The following SUGCT variants were observed in gnomAD, a reference collection of about 807,000 sequenced individuals.
The protein encoded by SUGCT is succinyl-CoA:glutarate-CoA transferase.
Under a neutral mutation model 55.0 loss-of-function variants are expected in SUGCT, and 41 were observed. The ratio of observed to expected loss-of-function variants is 0.74; its 90% confidence interval spans 0.58 to 0.97. The LOEUF (loss-of-function observed/expected upper bound fraction) is 0.97, where lower values mean the gene tolerates loss of function less well. SUGCT is among the 50% of genes least tolerant of loss of function. The probability of loss-of-function intolerance (pLI) is 0.00; values close to 1 mark genes in which losing one functional copy is unlikely to be tolerated. For synonymous variants in SUGCT, 187 were observed against 200.4 expected, an observed-to-expected ratio of 0.93 and a Z score of 0.56; for missense variants, 568 against 547.8, an observed-to-expected ratio of 1.04 and a Z score of -0.37.
At chr7:40,787,660 CAAAAAAAAAAAAAAA>C (rs55764379) in intron 13 of SUGCT, among the ~76,000 whole-genome samples, 96 of 48,436 alleles carry the variant, frequency 2.0e-3, no homozygotes, top group South Asian at 9.8e-3. Flanking sequence ...AAATTTTGAC[CAAAAAAAAAAAAAAA>C]AAAAAAAAAG....
chr7:40,671,303 A>G (rs1801926182), intron 12 of SUGCT, among the ~76,000 whole-genome samples: 1 of 152,226 alleles, frequency 6.6e-6, no homozygotes, highest in Admixed American at 6.5e-5. Context: ...ACACTCATTC[A>G]TTATAAGACT....
intron 13 of SUGCT, among the ~76,000 whole-genome samples, chr7:40,762,124 C>T (rs949650217): frequency 3.3e-5 from 5 of 152,168 alleles, no homozygotes; most frequent in African/African-American, 7.2e-5. Context: ...GTAACACTGA[C>T]GTGCAGATCA....
intron 12 of SUGCT, among the ~76,000 whole-genome samples, chr7:40,562,622 A>G (rs913947069): frequency 7.9e-5 from 12 of 152,152 alleles, no homozygotes; most frequent in Admixed American, 7.8e-4. Flanking sequence ...CAAAGGTATT[A>G]ATTATAATGG....
chr7:40,406,711 T>A (rs1786389908), intron 9 of SUGCT, among the ~76,000 whole-genome samples: 1 of 152,232 alleles, frequency 6.6e-6, no homozygotes, highest in Non-Finnish European at 1.5e-5. Flanking sequence ...ATTCAAAAAG[T>A]TGTAATTTAA....
intron 10 of SUGCT, among the ~76,000 whole-genome samples, chr7:40,451,982 C>G (rs1463537974): frequency 6.6e-6 from 1 of 152,186 alleles, no homozygotes; most frequent in Non-Finnish European, 1.5e-5. Flanking sequence ...AAAGATGGGA[C>G]AACTTTAGTT....
At chr7:40,212,228 G>A (rs1013926360) in intron 6 of SUGCT, among the ~76,000 whole-genome samples, 8 of 151,044 alleles carry the variant, frequency 5.3e-5, no homozygotes, top group African/African-American at 1.7e-4. Flanking sequence ...CAATTCTAAA[G>A]AGCCTGGGCA....
chr7:40,431,166 C>G (rs1372397784), intron 9 of SUGCT, among the ~76,000 whole-genome samples: 1 of 150,640 alleles, frequency 6.6e-6, no homozygotes, highest in East Asian at 1.9e-4. Flanking sequence ...TACTGAATTT[C>G]CTGGCACCAT....
Position 40,730,272 on chromosome 7 carries a change from A to T in SUGCT, c.1090-19162A>T, listed in dbSNP as rs144902279. ...ACAGGCATGCACCACAGGCCCAGATAATTTTTGTATTTTTAGTAGAGATGG... is the reference window on the plus strand; with the variant it reads ...ACAGGCATGCACCACAGGCCCAGATTATTTTTGTATTTTTAGTAGAGATGG... On this transcript the variant is annotated intron_variant, in intron 12 of 13. Transcript: ENST00000335693. Among the ~76,000 whole-genome samples, 1,361 of 151,890 alleles carry T rather than the reference A, an allele frequency of 9.0e-3. 16 individuals are homozygous for T. Among genetic ancestry groups the T allele is most frequent in the African/African-American group, 0.031 (1,280 of 41,418 alleles).
chr7:41,009,630 C>G, the SUGCT span, among the ~76,000 whole-genome samples: 1 of 151,770 alleles, frequency 6.6e-6, no homozygotes. Context: ...CACCATCCAC[C>G]CTTCCTTCCA....
intron 9 of SUGCT, among the ~76,000 whole-genome samples, chr7:40,441,933 G>A (rs1421588747): frequency 6.6e-6 from 1 of 152,024 alleles, no homozygotes; most frequent in African/African-American, 2.4e-5. Context: ...TCTGGGTGGG[G>A]GGTCTCAGGA....
chr7:40,252,987 A>G (rs1406526341), intron 7 of SUGCT, among the ~76,000 whole-genome samples: 1 of 152,248 alleles, frequency 6.6e-6, no homozygotes, highest in Non-Finnish European at 1.5e-5. Flanking sequence ...CTGTGGAAAT[A>G]TAACTTTGGA....
At chr7:40,200,618 G>T (rs1786537569) in intron 6 of SUGCT, among the ~76,000 whole-genome samples, 1 of 152,108 alleles carries the variant, frequency 6.6e-6, no homozygotes, top group African/African-American at 2.4e-5. Flanking sequence ...AAAACTGAGA[G>T]CAGTATGCTT....
chr7:40,242,906 CATATATATATATAT>C lies in SUGCT; in HGVS notation c.576+5195_576+5208del, dbSNP rs1159693206. Among the ~76,000 whole-genome samples, 91 of 32,238 alleles carry C rather than the reference CATATATATATATAT, an allele frequency of 2.8e-3. 1 individual carries two copies. Among genetic ancestry groups the C allele is most frequent in the Non-Finnish European group, 4.0e-3 (78 of 19,352 alleles). The allele number at this position is 32,238 out of a possible 152,430, so 21.1% of individuals were successfully genotyped here. Reference sequence around the variant, plus strand: ...GAATATCTGGTACTGTGCTATGTGGCATATATATATATATATATATATATATATTTTTTTTTTTT... The same window carrying C: ...GAATATCTGGTACTGTGCTATGTGGCATATATATATATATTTTTTTTTTTT... On this transcript the variant is annotated intron_variant, in intron 7 of 13. Transcript: ENST00000335693.
chr7:40,336,283 CCTT>C (rs1429153681), intron 9 of SUGCT, among the ~76,000 whole-genome samples: 3 of 152,232 alleles, frequency 2.0e-5, no homozygotes, highest in Non-Finnish European at 4.4e-5. Context: ...AGGGAGGACT[CCTT>C]CTTTTTCTGT....
intron 12 of SUGCT, among the ~76,000 whole-genome samples, chr7:40,569,201 A>C (rs779275987): frequency 5.3e-5 from 8 of 152,158 alleles, no homozygotes; most frequent in Non-Finnish European, 1.0e-4. Context: ...GGGATTTTAG[A>C]TCTTAAGAAG....
intron 9 of SUGCT, among the ~76,000 whole-genome samples, chr7:40,361,291 T>G (rs1363443093): frequency 1.3e-5 from 2 of 151,874 alleles, no homozygotes; most frequent in Non-Finnish European, 2.9e-5. Context: ...GAGAGAAAAT[T>G]TGGTCAGGCG....
At chr7:40,278,961 G>A (rs959467029) in intron 8 of SUGCT, among the ~76,000 whole-genome samples, 2 of 151,274 alleles carry the variant, frequency 1.3e-5, no homozygotes, top group Non-Finnish European at 2.9e-5. Context: ...CTAGTGGTTC[G>A]GACTACAGGC....
the SUGCT span, among the ~76,000 whole-genome samples, chr7:41,010,910 A>G: frequency 6.6e-6 from 1 of 152,226 alleles, no homozygotes; most frequent in African/African-American, 2.4e-5. Flanking sequence ...GGTCTTGATG[A>G]CTGAGTCTCA....
chr7:40,586,393 C>T (rs1797382140), intron 12 of SUGCT, among the ~76,000 whole-genome samples: 1 of 152,056 alleles, frequency 6.6e-6, no homozygotes, highest in Admixed American at 6.6e-5. Flanking sequence ...ATGTATAAAG[C>T]CACATGTAAG....
Sources: allele counts gnomAD v4.1 joint callset (sites outside exome capture counted in the v4.1 genomes callset), GRCh38; gene constraint gnomAD v4.1.1; transcripts MANE v1.5; gene names NCBI Gene and HGNC (gene_info 2026-07-23, HGNC 2026-07-21).